Variants in UROS observed in about 807,000 individuals in gnomAD.
UROS encodes uroporphyrinogen III synthase, also known as uroporphyrinogen-III synthase.
UROS carries 18 observed loss-of-function variants against 33.0 expected under a neutral mutation model. That is an observed-to-expected ratio of 0.55 (90% confidence interval 0.38 to 0.81). The LOEUF (loss-of-function observed/expected upper bound fraction) is 0.81, where lower values mean the gene tolerates loss of function less well. Among genes scored for constraint, UROS ranks in the 30% least tolerant of loss-of-function variants. UROS has a pLI of 0.00. For synonymous variants in UROS, 114 were observed against 121.1 expected, an observed-to-expected ratio of 0.94 and a Z score of 0.38; for missense variants, 293 against 314.9, an observed-to-expected ratio of 0.93 and a Z score of 0.53.
intron 9 of UROS, chr10:125,793,048 G>C (rs1021355308): frequency 6.6e-6 from 1 of 152,240 alleles, no homozygotes; most frequent in African/African-American, 2.4e-5. Flanking sequence ...GGGCTACTGA[G>C]AGCTCCTCAG....
downstream of UROS, among the ~76,000 whole-genome samples, chr10:125,786,187 C>T (rs977490089): frequency 3.9e-5 from 6 of 152,150 alleles, no homozygotes; most frequent in Admixed American, 2.6e-4. Flanking sequence ...CCCAGCACAT[C>T]AGGAATAGCT....
At chr10:125,793,118 C>T (rs1851069634) in intron 9 of UROS, 1 of 152,246 alleles carries the variant, frequency 6.6e-6, no homozygotes, top group South Asian at 2.1e-4. Flanking sequence ...ACGCACTCAG[C>T]CCCCAGCTGC....
At chr10:125,807,655 G>A (rs1852450957) in intron 5 of UROS, among the ~76,000 whole-genome samples, 168 bp from the exon 6 acceptor site, 7 of 152,336 alleles carry the variant, frequency 4.6e-5, no homozygotes, top group African/African-American at 1.7e-4. Flanking sequence ...GTTCAGAAGA[G>A]AAAGCATCAG....
chr10:125,789,056 G>A (rs771026268), intron 9 of UROS, 51 bp from the exon 10 acceptor site: 2 of 1,604,574 alleles, frequency 1.2e-6, no homozygotes, highest in East Asian at 4.5e-5. Flanking sequence ...GAGGGGCTGG[G>A]GCAGCAGGCA....
At chr10:125,790,943 T>A (rs916507379) in intron 9 of UROS, among the ~76,000 whole-genome samples, 1 of 149,654 alleles carries the variant, frequency 6.7e-6, no homozygotes, top group Non-Finnish European at 1.5e-5. Context: ...AATACAAAAA[T>A]TAGCCAGGCA....
At chr10:125,788,467 T>C (rs1480196921), downstream of UROS, 5 of 940,378 alleles carry the variant, frequency 5.3e-6, no homozygotes, top group Admixed American at 4.9e-5. Context: ...CTACTTTATA[T>C]AGAGCAAATT....
At position 125,814,722 on chromosome 10, in the gene UROS, T is replaced by C. The variant is rs1009481047; in HGVS notation, c.244+312A>G. ...GGTGGCACTGACCATTTTCTCATAG[T>C]TAGATTTTTTCATCATCTCTCTTTC... On this transcript the variant is annotated intron_variant, in intron 4 of 9. Coordinates refer to ENST00000368797, the MANE Select transcript of UROS (RefSeq NM_000375.3). Among the ~76,000 whole-genome samples the C allele has an allele frequency of 4.0e-4, 61 of 152,202 alleles. 1 individual carries two copies. The highest frequency in any genetic ancestry group is 4.4e-5 in the Non-Finnish European group (3 of 68,040).
intron 1 of UROS, among the ~76,000 whole-genome samples, chr10:125,817,767 G>A (rs1022611413): frequency 1.3e-5 from 2 of 152,184 alleles, no homozygotes; most frequent in Non-Finnish European, 2.9e-5. Context: ...CTACGTGGCA[G>A]AGCTGGGATT....
At chr10:125,795,287 G>A (rs1460908512) in intron 8 of UROS, 1 of 423,988 alleles carries the variant, frequency 2.4e-6, no homozygotes, top group East Asian at 5.3e-5. Flanking sequence ...AGCTCCTGTG[G>A]TCATACGGCA....
chr10:125,795,191 T>C (rs575736664), intron 8 of UROS: 1 of 598,680 alleles, frequency 1.7e-6, no homozygotes, highest in Admixed American at 2.5e-5. Flanking sequence ...ATCAGAAAGC[T>C]GGTGCTGCCC....
At chr10:125,812,187 T>C (rs1390090671) in intron 5 of UROS, 27 bp downstream of exon 5, 2 of 1,603,600 alleles carry the variant, frequency 1.2e-6, no homozygotes, top group Admixed American at 3.3e-5. Context: ...CATTTTTTGT[T>C]GTTTTATTTT....
At chr10:125,817,288 G>A (rs1323873987) in intron 1 of UROS, among the ~76,000 whole-genome samples, 5 of 123,140 alleles carry the variant, frequency 4.1e-5, no homozygotes, top group South Asian at 2.8e-4. Context: ...GGCTAGTCTC[G>A]AACTCCTGAG....
intron 1 of UROS, among the ~76,000 whole-genome samples, chr10:125,820,473 G>A (rs1367903357): frequency 6.6e-6 from 1 of 152,174 alleles, no homozygotes; most frequent in African/African-American, 2.4e-5. Flanking sequence ...ACTTTGGGGA[G>A]GGCAATCCAC....
chr10:125,814,726 A>G (rs973700824), intron 4 of UROS, among the ~76,000 whole-genome samples: 4 of 152,014 alleles, frequency 2.6e-5, no homozygotes, highest in Admixed American at 2.6e-4. Flanking sequence ...TCATAGTTAG[A>G]TTTTTTCATC....
At chr10:125,816,597 G>T in intron 1 of UROS, 72 bp from the exon 2 acceptor site, 1 of 1,456,996 alleles carries the variant, frequency 6.9e-7, no homozygotes, top group Non-Finnish European at 9.6e-7. Context: ...CGATGGGGAC[G>T]GTACACAAGA....
rs150269975 is a variant in UROS, at chr10:125,794,774, T to C, written c.660+106A>G. 4.6e-4 allele frequency: 512 copies of C among 1,108,254 alleles called. 2 individuals are homozygous for C. The East Asian group carries it at 0.01, about 22-fold the overall frequency. The allele number at this position is 1,108,254 out of a possible 1,614,324, so 68.7% of individuals were successfully genotyped here. ...GCCCTTCCAATTCTAAGGCACCTGC[T>C]AGGCCAGGGGTGTCTCACTTGACAT... On this transcript the variant is annotated intron_variant, in intron 9 of 9. Transcript: ENST00000368797.
chr10:125,799,057 T>A (rs1015381088), intron 6 of UROS, among the ~76,000 whole-genome samples: 1 of 152,192 alleles, frequency 6.6e-6, no homozygotes, highest in African/African-American at 2.4e-5. Flanking sequence ...TCTGATCACA[T>A]CTTCTCTGGT....
At chr10:125,822,543 G>A (rs1854052185) in intron 1 of UROS, among the ~76,000 whole-genome samples, 1 of 152,090 alleles carries the variant, frequency 6.6e-6, no homozygotes, top group Non-Finnish European at 1.5e-5. Context: ...GGCTGGTCTC[G>A]AACTCCTGAC....
intron 9 of UROS, chr10:125,793,880 T>C (rs1320321448): frequency 6.6e-6 from 1 of 152,176 alleles, no homozygotes; most frequent in African/African-American, 2.4e-5. Context: ...ATTCAGATAT[T>C]GTTTTTCTTC....
Sources: allele counts gnomAD v4.1 joint callset (sites outside exome capture counted in the v4.1 genomes callset), GRCh38; gene constraint gnomAD v4.1.1; transcripts MANE v1.5; gene names NCBI Gene and HGNC (gene_info 2026-07-23, HGNC 2026-07-21).